Variants in FRMD4A observed in about 807,000 individuals in gnomAD.
The protein encoded by FRMD4A is FERM domain-containing protein 4A.
Under a neutral mutation model 129.1 loss-of-function variants are expected in FRMD4A, and 29 were observed. That is an observed-to-expected ratio of 0.22 (90% CI 0.17 to 0.31). FRMD4A has a LOEUF of 0.31. Ranked by LOEUF, FRMD4A falls within the 10% of genes least tolerant of loss-of-function variation. The probability of loss-of-function intolerance (pLI) is 1.00; values close to 1 mark genes in which losing one functional copy is unlikely to be tolerated. For missense variants in FRMD4A, 1,272 were observed against 1,375.8 expected (o/e 0.92, Z 1.19); for synonymous variants, 634 against 571.6 (o/e 1.11, Z -1.56).
intron 2 of FRMD4A, among the ~76,000 whole-genome samples, chr10:14,138,418 C>T (rs565173556): frequency 6.6e-6 from 1 of 152,272 alleles, no homozygotes; most frequent in African/African-American, 2.4e-5. Flanking sequence ...ATAAATTCAA[C>T]CTGCTTTACT....
Position 13,870,360 on chromosome 10 carries a change from C to T in FRMD4A, c.46-11448G>A, listed in dbSNP as rs192489984. Among the ~76,000 whole-genome samples, 27 of 152,364 alleles carry T rather than the reference C, an allele frequency of 1.8e-4. No individual in the cohort carries two copies. The East Asian group carries it at 5.0e-3, about 28-fold the overall frequency. ...TTTTCAAATACTCTCCTTCCCATCG[C>T]TCCTCTCAGTTTCAAGAGTGGGCCA... On this transcript the variant is annotated intron_variant, in intron 2 of 24. Coordinates refer to ENST00000357447, the MANE Select transcript of FRMD4A (RefSeq NM_018027.5).
chr10:13,913,378 T>A (rs2131234088), intron 2 of FRMD4A, among the ~76,000 whole-genome samples: 1 of 152,370 alleles, frequency 6.6e-6, no homozygotes, highest in East Asian at 1.9e-4. Flanking sequence ...GTTGCATGAC[T>A]GTGAATATAC....
chr10:14,326,588 CT>C, intron 2 of FRMD4A: 1 of 362,758 alleles, frequency 2.8e-6, no homozygotes, highest in East Asian at 4.0e-5. Flanking sequence ...CCATTAAAAA[CT>C]ATTTTAATCT....
At chr10:14,213,034 T>A (rs1307642363) in intron 2 of FRMD4A, among the ~76,000 whole-genome samples, 4 of 151,900 alleles carry the variant, frequency 2.6e-5, no homozygotes. Flanking sequence ...GCCAGGAGTT[T>A]GAAACCAGCT....
Position 13,645,963 on chromosome 10 carries a change from C to T in FRMD4A, c.*1075G>A, listed in dbSNP as rs988399283. ...ACCACTTTTGGCCATTATCACCTTACGTTACTACAAATCCTGAAAGGAAAG... is the reference window on the plus strand; with the variant it reads ...ACCACTTTTGGCCATTATCACCTTATGTTACTACAAATCCTGAAAGGAAAG... On this transcript the variant is annotated 3_prime_UTR_variant, in exon 25 of 25. Transcript: ENST00000357447. 3.9e-5 allele frequency: 6 copies of T among 152,512 alleles called. No individual in the cohort carries two copies. The highest frequency in any genetic ancestry group is 5.9e-5 in the Non-Finnish European group (4 of 68,046). The allele number at this position is 152,512 out of a possible 1,614,324, so 9.4% of individuals were successfully genotyped here. A position where few individuals can be genotyped will look rare whatever the true frequency, so the allele number is the denominator to read the frequency against.
At chr10:14,170,801 C>G (rs761054304) in intron 2 of FRMD4A, among the ~76,000 whole-genome samples, 1 of 106,242 alleles carries the variant, frequency 9.4e-6, no homozygotes, top group Non-Finnish European at 2.0e-5. Context: ...ACTCCCCTAC[C>G]TCTCTTCCCT....
intron 2 of FRMD4A, among the ~76,000 whole-genome samples, chr10:14,240,608 A>G (rs146340661): frequency 6.6e-5 from 10 of 152,268 alleles, no homozygotes; most frequent in African/African-American, 2.4e-4. Flanking sequence ...CCACATGCCC[A>G]TTATAACTTC....
chr10:13,839,527 C>A (rs1248725169), intron 3 of FRMD4A, among the ~76,000 whole-genome samples: 1 of 152,166 alleles, frequency 6.6e-6, no homozygotes, highest in Non-Finnish European at 1.5e-5. Context: ...TTCACTGAGA[C>A]CCCAGTTAAG....
chr10:13,884,233 CA>C (rs2094592210), intron 2 of FRMD4A, among the ~76,000 whole-genome samples: 100 of 150,902 alleles, frequency 6.6e-4, no homozygotes, highest in South Asian at 3.6e-3. Context: ...CACACACACA[CA>C]CACACACTCC....
At chr10:14,268,029 A>T (rs527662219) in intron 2 of FRMD4A, among the ~76,000 whole-genome samples, 1 of 152,300 alleles carries the variant, frequency 6.6e-6, no homozygotes, top group Admixed American at 6.5e-5. Context: ...CACCTATTTC[A>T]TGATTGTGTT....
At chr10:13,881,295 T>C (rs899103571) in intron 2 of FRMD4A, among the ~76,000 whole-genome samples, 1 of 149,004 alleles carries the variant, frequency 6.7e-6, no homozygotes, top group African/African-American at 2.5e-5. Context: ...TGGTGGTGCA[T>C]GCCTGTAGTT....
Position 14,223,767 on chromosome 10 carries a change from G to C in FRMD4A, c.45+106291C>G, listed in dbSNP as rs867149948. Among the ~76,000 whole-genome samples, 45 of 115,846 alleles carry C rather than the reference G, an allele frequency of 3.9e-4. 1 individual carries two copies. The highest frequency in any genetic ancestry group is 1.6e-3 in the African/African-American group (45 of 27,908). The allele number at this position is 115,846 out of a possible 152,430, so 76.0% of individuals were successfully genotyped here. On this transcript the variant is annotated intron_variant, in intron 2 of 24. Coordinates refer to ENST00000357447, the MANE Select transcript of FRMD4A (RefSeq NM_018027.5). ...AAATGAAAAAAAAAAAAAAAAAAGA[G>C]AGAGAGAGAGAGAGAAAGAGAGAAT...
chr10:14,068,728 C>T (rs1444274334), intron 2 of FRMD4A, among the ~76,000 whole-genome samples: 2 of 152,140 alleles, frequency 1.3e-5, no homozygotes, highest in African/African-American at 2.4e-5. Context: ...AAGCCAAACT[C>T]AAGATATTCA....
chr10:13,709,202 G>C (rs953731421), intron 12 of FRMD4A, among the ~76,000 whole-genome samples: 3 of 152,300 alleles, frequency 2.0e-5, no homozygotes. Context: ...GGGCTCAAGT[G>C]ATCTGCCCGC....
chr10:14,129,017 C>T (rs757215127), intron 2 of FRMD4A, among the ~76,000 whole-genome samples: 1 of 152,076 alleles, frequency 6.6e-6, no homozygotes, highest in Non-Finnish European at 1.5e-5. Context: ...AATAAGCTTC[C>T]CTTGCAAGCT....
intron 3 of FRMD4A, among the ~76,000 whole-genome samples, chr10:13,851,162 A>G (rs1228688339): frequency 6.6e-6 from 1 of 152,160 alleles, no homozygotes; most frequent in Admixed American, 6.5e-5. Flanking sequence ...TGCCGTGAGC[A>G]GAGATCACGT....
chr10:13,665,675 G>C (rs960002028), intron 18 of FRMD4A, among the ~76,000 whole-genome samples: 4 of 152,176 alleles, frequency 2.6e-5, no homozygotes, highest in African/African-American at 4.8e-5. Flanking sequence ...GGTTGGCGGG[G>C]GCCGCTCGAA....
intron 3 of FRMD4A, among the ~76,000 whole-genome samples, chr10:13,849,953 G>C (rs1188135437): frequency 6.6e-6 from 1 of 151,576 alleles, no homozygotes; most frequent in Non-Finnish European, 1.5e-5. Flanking sequence ...TGGATCACCT[G>C]AGATCAGGAG....
intron 8 of FRMD4A, among the ~76,000 whole-genome samples, chr10:13,758,041 G>A (rs745663665): frequency 6.6e-6 from 1 of 152,190 alleles, no homozygotes; most frequent in Non-Finnish European, 1.5e-5. Flanking sequence ...ACCACACCCA[G>A]CCCTTGACTT....
Sources: gnomAD v4.1 joint callset for allele counts (sites outside exome capture counted in the v4.1 genomes callset) on GRCh38, gnomAD v4.1.1 for gene constraint, MANE v1.5 for transcripts, NCBI Gene and HGNC (gene_info 2026-07-23, HGNC 2026-07-21) for gene names.